The following NPR3 variants were observed in gnomAD, a reference collection of about 807,000 sequenced individuals.
NPR3 encodes natriuretic peptide receptor 3, also known as atrial natriuretic peptide receptor 3.
In NPR3, 34 loss-of-function variants were observed where a neutral mutation model predicts 54.5. The observed-to-expected ratio is 0.62, with a 90% CI of 0.47 to 0.83. NPR3 has a LOEUF of 0.83. Among genes scored for constraint, NPR3 ranks in the 40% least tolerant of loss-of-function variants. NPR3 has a pLI of 0.00. For missense variants in NPR3, 674 were observed against 720.8 expected (o/e 0.94, Z 0.74); for synonymous variants, 289 against 297.1 (o/e 0.97, Z 0.28).
chr5:32,707,305 T>C (rs1231963035), upstream of NPR3, among the ~76,000 whole-genome samples: 1 of 152,058 alleles, frequency 6.6e-6, no homozygotes. Flanking sequence ...ATTAGAAAAA[T>C]ATAAAATTAC....
upstream of NPR3, chr5:32,710,591 G>A (rs1057514536): frequency 2.9e-6 from 4 of 1,391,896 alleles, no homozygotes; most frequent in East Asian, 8.7e-5. Flanking sequence ...CCCAGGGGGA[G>A]GGGGCTGGCG....
intron 5 of NPR3, among the ~76,000 whole-genome samples, chr5:32,782,387 T>C (rs1390809722): frequency 6.6e-6 from 1 of 152,140 alleles, no homozygotes; most frequent in Non-Finnish European, 1.5e-5. Context: ...GGCCTTACAA[T>C]TGGCTGACGG....
intron 1 of NPR3, among the ~76,000 whole-genome samples, chr5:32,721,422 GA>G (rs1268621573): frequency 6.6e-6 from 1 of 152,176 alleles, no homozygotes; most frequent in African/African-American, 2.4e-5. Flanking sequence ...AGCACTTTGG[GA>G]GGCCCACGGT....
At chr5:32,704,370 TTGTGTGTGTGTGTG>T (rs57959913) in intron 1 of NPR3, among the ~76,000 whole-genome samples, 4 of 146,786 alleles carry the variant, frequency 2.7e-5, no homozygotes, top group African/African-American at 7.6e-5. Flanking sequence ...TTTTGGCTCT[TTGTGTGTGTGTGTG>T]TGTGTGTGTG....
At chr5:32,730,697 A>G (rs1015982994) in intron 2 of NPR3, among the ~76,000 whole-genome samples, 23 of 152,334 alleles carry the variant, frequency 1.5e-4, no homozygotes, top group African/African-American at 5.1e-4. Flanking sequence ...GTAGATGCCA[A>G]AATCAACAAT....
In NPR3 at chr5:32,723,807, G is replaced by T. The variant is rs190239457; in HGVS notation, c.770-891G>T. Among the ~76,000 whole-genome samples, 100 of 152,132 alleles carry T rather than the reference G, an allele frequency of 6.6e-4. 1 individual carries two copies. The highest frequency in any genetic ancestry group is 2.3e-3 in the African/African-American group (94 of 41,510). On this transcript the variant is annotated intron_variant, in intron 1 of 7. Transcript: ENST00000265074. ...CAATTGTTAATATTTTGCCACATTT[G>T]ATTTATGATTTCAAGTATCTCCCTG... is the stretch of plus-strand genomic sequence containing the variant.
chr5:32,727,623 C>G (rs990930338), intron 2 of NPR3, among the ~76,000 whole-genome samples: 4 of 151,872 alleles, frequency 2.6e-5, no homozygotes, highest in African/African-American at 9.7e-5. Flanking sequence ...TGAGTTTGTT[C>G]TTAGTATTTT....
intron 2 of NPR3, among the ~76,000 whole-genome samples, chr5:32,727,965 AT>A (rs1331651473): frequency 6.6e-6 from 1 of 152,202 alleles, no homozygotes; most frequent in East Asian, 1.9e-4. Flanking sequence ...ATCAAGTCTG[AT>A]TTTTAAAATC....
chr5:32,787,625 A>G lies in NPR3; in HGVS notation c.*1280A>G, dbSNP rs1318761552. 6.6e-6 allele frequency: 1 copy of G among 152,206 alleles called. No homozygotes were observed. Among genetic ancestry groups the G allele is most frequent in the Non-Finnish European group, 1.5e-5 (1 of 68,034 alleles). 9.4% of individuals were successfully genotyped at this position (152,206 alleles called of 1,614,324 possible). ...ACTCTATTCCCTTTCAGTTAACTCC[A>G]CAGAACTTTGTAGGCATCCATGAAT... On this transcript the variant is annotated 3_prime_UTR_variant, in exon 8 of 8. Coordinates refer to ENST00000265074, the MANE Select transcript of NPR3 (RefSeq NM_001204375.2).
intron 3 of NPR3, among the ~76,000 whole-genome samples, chr5:32,768,879 G>A (rs934451461): frequency 1.3e-5 from 2 of 152,142 alleles, no homozygotes; most frequent in Non-Finnish European, 2.9e-5. Flanking sequence ...ATGCCAGAGG[G>A]TTCAGAGATG....
rs182637891 is a variant in NPR3 at position 32,757,036 on chromosome 5, A to G, written c.1060-17672A>G. Among the ~76,000 whole-genome samples the G allele has an allele frequency of 6.3e-4, 96 of 152,252 alleles. 1 individual carries two copies. Among genetic ancestry groups the G allele is most frequent in the African/African-American group, 2.0e-3 (85 of 41,558 alleles). On this transcript the variant is annotated intron_variant, in intron 3 of 7. Transcript: ENST00000265074. Reference sequence around the variant, plus strand: ...GTAGTATAGTTTGAAGTCAGGTAGCATGATGCCTCCAGCTTTGTTCTTTTG... The same window carrying G: ...GTAGTATAGTTTGAAGTCAGGTAGCGTGATGCCTCCAGCTTTGTTCTTTTG...
At chr5:32,704,366 C>T (rs112276955) in intron 1 of NPR3, among the ~76,000 whole-genome samples, 14 of 118,822 alleles carry the variant, frequency 1.2e-4, no homozygotes, top group African/African-American at 3.7e-4. Flanking sequence ...GTTCTTTTGG[C>T]TCTTTGTGTG....
intron 1 of NPR3, among the ~76,000 whole-genome samples, chr5:32,719,820 A>C (rs1269203452): frequency 1.6e-5 from 2 of 125,846 alleles, no homozygotes; most frequent in African/African-American, 3.1e-5. Flanking sequence ...TCTTGTTTGG[A>C]TATTTCCTTG....
chr5:32,700,193 C>T (rs902643149), intron 1 of NPR3, among the ~76,000 whole-genome samples: 1 of 152,020 alleles, frequency 6.6e-6, no homozygotes, highest in Non-Finnish European at 1.5e-5. Context: ...GTTAAATCTG[C>T]TTGGTGTTCT....
rs1406914967 is a variant in NPR3 at position 32,784,824 on chromosome 5, A to C, written c.1455A>C (p.Thr485=). ...SSGGLEESAV[T]GIVVGALLGA... is the part of the protein sequence containing the mutation. Reference sequence around the variant, plus strand: ...GTGGCCTAGAAGAATCGGCAGTGACAGGAATTGTCGTGGGGGCTTTACTAG... The same window carrying C: ...GTGGCCTAGAAGAATCGGCAGTGACCGGAATTGTCGTGGGGGCTTTACTAG... Residue 485 remains threonine, a synonymous_variant, in exon 7 of 8, where the codon ACA becomes ACC. Transcript: ENST00000265074. 6 of 1,613,666 alleles carry C rather than the reference A, an allele frequency of 3.7e-6. No individual in the cohort carries two copies. The African/African-American group carries it at 5.3e-5, about 14-fold the overall frequency.
At chr5:32,759,009 A>C (rs547002307) in intron 3 of NPR3, among the ~76,000 whole-genome samples, 1 of 152,216 alleles carries the variant, frequency 6.6e-6, no homozygotes, top group East Asian at 1.9e-4. Context: ...TTTCTGAGGA[A>C]TGCTTTACTT....
At chr5:32,692,897 C>T (rs985463611) in intron 1 of NPR3, among the ~76,000 whole-genome samples, 2 of 152,048 alleles carry the variant, frequency 1.3e-5, no homozygotes, top group Admixed American at 6.6e-5. Flanking sequence ...AAGGTGGGAT[C>T]GTCAGTTGAG....
chr5:32,754,129 A>G (rs573956883), intron 3 of NPR3, among the ~76,000 whole-genome samples: 2 of 152,238 alleles, frequency 1.3e-5, no homozygotes, highest in East Asian at 3.9e-4. Flanking sequence ...CTTAGAGCAG[A>G]GTTCTGGTTC....
At chr5:32,732,720 G>C (rs1015320286) in intron 2 of NPR3, among the ~76,000 whole-genome samples, 6 of 152,100 alleles carry the variant, frequency 3.9e-5, no homozygotes, top group Non-Finnish European at 8.8e-5. Flanking sequence ...CTAATAATCA[G>C]ATATATATGT....
Sources: gnomAD v4.1 joint callset for allele counts (sites outside exome capture counted in the v4.1 genomes callset) on GRCh38, gnomAD v4.1.1 for gene constraint, MANE v1.5 for transcripts, NCBI Gene and HGNC (gene_info 2026-07-23, HGNC 2026-07-21) for gene names.